The following KMT2C variants were observed in gnomAD, a reference collection of about 807,000 sequenced individuals.
The protein encoded by KMT2C is histone-lysine N-methyltransferase 2C.
KMT2C carries 88 observed loss-of-function variants against 507.9 expected under a neutral mutation model. The ratio of observed to expected loss-of-function variants is 0.17; its 90% CI spans 0.15 to 0.21. The LOEUF is 0.21. KMT2C is among the 10% of genes least tolerant of loss of function. The pLI is 1.00. For missense variants in KMT2C, 4,954 were observed against 5,957.8 expected, an observed-to-expected ratio of 0.83 and a Z score of 5.55; for synonymous variants, 2,049 against 2,080.8, an observed-to-expected ratio of 0.98 and a Z score of 0.42.
Position 152,300,415 on chromosome 7 carries a change from G to T in KMT2C, c.849+9551C>A, listed in dbSNP as rs368541054. Among the ~76,000 whole-genome samples, 38 of 152,338 alleles carry T rather than the reference G, an allele frequency of 2.5e-4. No individual in the cohort carries two copies. The East Asian group carries it at 4.6e-3, about 19-fold the overall frequency. ...CTGGAAATTTCACACATGCTAGGCA[G>T]AGAGTACACCTACATGACCAGCCTA... On this transcript the variant is annotated intron_variant, in intron 6 of 58. Transcript: ENST00000262189.
intron 1 of KMT2C, among the ~76,000 whole-genome samples, chr7:152,372,435 C>T (rs1272013258): frequency 1.3e-5 from 2 of 152,080 alleles, no homozygotes; most frequent in Non-Finnish European, 2.9e-5. Context: ...GGAATACAAG[C>T]GTGAGCCACT....
At chr7:152,375,201 C>T (rs962783103) in intron 1 of KMT2C, among the ~76,000 whole-genome samples, 22 of 152,158 alleles carry the variant, frequency 1.4e-4, no homozygotes, top group Admixed American at 4.6e-4. Flanking sequence ...TGCCACCACA[C>T]CCAGCTGATT....
At chr7:152,324,167 G>T (rs1265313864) in intron 3 of KMT2C, among the ~76,000 whole-genome samples, 1 of 151,574 alleles carries the variant, frequency 6.6e-6, no homozygotes, top group South Asian at 2.1e-4. Context: ...CAAAGGATAC[G>T]AAGGTTGAGA....
intron 9 of KMT2C, among the ~76,000 whole-genome samples, chr7:152,253,892 C>T (rs1430649834): frequency 2.6e-5 from 4 of 152,102 alleles, no homozygotes; most frequent in Admixed American, 6.6e-5. Flanking sequence ...TGCCTGTGAG[C>T]TAGTCAGCCT....
chr7:152,331,758 C>A (rs1050914887), intron 2 of KMT2C, among the ~76,000 whole-genome samples: 1 of 149,584 alleles, frequency 6.7e-6, no homozygotes, highest in African/African-American at 2.5e-5. Context: ...AAGCAATTCT[C>A]CTGCCTCAGC....
rs1253038164 is a variant in KMT2C, at chr7:152,179,814, C to T, written c.7442+20G>A. 5 of 1,606,202 alleles carry T rather than the reference C, an allele frequency of 3.1e-6. No homozygotes were observed. Among genetic ancestry groups the T allele is most frequent in the Non-Finnish European group, 4.3e-6 (5 of 1,174,584 alleles). On this transcript the variant is annotated intron_variant, in intron 37 of 58. Coordinates refer to ENST00000262189, the MANE Select transcript of KMT2C (RefSeq NM_170606.3). ...TCTTCTAATAGCAATTTAAATTCGG[C>T]AGGAAATTAAAAGCATTACCTAAAT...
intron 55 of KMT2C, among the ~76,000 whole-genome samples, chr7:152,142,174 C>T (rs2090637790): frequency 6.6e-6 from 1 of 152,066 alleles, no homozygotes; most frequent in African/African-American, 2.4e-5. Context: ...GGGTCTTGAC[C>T]AAGACTAGAT....
chr7:152,154,491 TG>T, intron 46 of KMT2C, 46 bp from the exon 47 acceptor site: 1 of 1,569,374 alleles, frequency 6.4e-7, no homozygotes, highest in South Asian at 1.1e-5. Flanking sequence ...AATCCACCAC[TG>T]GGGGCTTCCT....
chr7:152,371,288 G>C (rs1003814285), intron 1 of KMT2C, among the ~76,000 whole-genome samples: 6 of 152,188 alleles, frequency 3.9e-5, no homozygotes, highest in Admixed American at 1.3e-4. Context: ...GTAAAGTTGT[G>C]GTATACTGTT....
Position 152,364,156 on chromosome 7 carries a change from A to G in KMT2C, c.162-5481T>C, listed in dbSNP as rs562256289. On this transcript the variant is annotated intron_variant, in intron 1 of 58. Coordinates refer to ENST00000262189, the MANE Select transcript of KMT2C (RefSeq NM_170606.3). ...AATAAATAAGTCTCAACTGAACAAT[A>G]ATGATTCCCAACTTAACTACTGGGC... Among the ~76,000 whole-genome samples, 3 of 152,364 alleles carry G rather than the reference A, an allele frequency of 2.0e-5. No individual in the cohort carries two copies. The East Asian group carries it at 5.8e-4, about 29-fold the overall frequency.
intron 6 of KMT2C, among the ~76,000 whole-genome samples, chr7:152,275,857 T>A (rs541072667): frequency 5.4e-4 from 82 of 152,328 alleles, no homozygotes; most frequent in Non-Finnish European, 1.0e-3. Flanking sequence ...AAATCGCTTA[T>A]TTTGATACCA....
chr7:152,310,876 G>A (rs1009712947), intron 5 of KMT2C, among the ~76,000 whole-genome samples: 1 of 152,030 alleles, frequency 6.6e-6, no homozygotes, highest in Admixed American at 6.5e-5. Flanking sequence ...TGTAGAGACA[G>A]GGTTTCACCA....
intron 6 of KMT2C, among the ~76,000 whole-genome samples, chr7:152,296,822 C>T (rs2096501616): frequency 6.6e-6 from 1 of 151,478 alleles, no homozygotes; most frequent in Admixed American, 6.6e-5. Context: ...ATCGGATTTA[C>T]GCTCCTCCTG....
chr7:152,152,079 A>C (rs562757051), intron 49 of KMT2C, among the ~76,000 whole-genome samples: 1 of 152,232 alleles, frequency 6.6e-6, no homozygotes, highest in Non-Finnish European at 1.5e-5. Flanking sequence ...GTGCAGTGTG[A>C]AGGCAAAAAG....
Position 152,183,160 on chromosome 7 carries a change from T to C in KMT2C, c.5083-4A>G. 6.6e-7 allele frequency: 1 copy of C among 1,525,524 alleles called. No homozygotes were observed. Among genetic ancestry groups the C allele is most frequent in the South Asian group, 1.3e-5 (1 of 76,486 alleles). 94.5% of individuals were successfully genotyped at this position (1,525,524 alleles called of 1,614,324 possible). ...CTCTGTTATCTCTGGCTTTTTGCTTTGACAAAAGAAGAGAAAAAAATTTCC... is the reference window on the plus strand; with the variant it reads ...CTCTGTTATCTCTGGCTTTTTGCTTCGACAAAAGAAGAGAAAAAAATTTCC... On this transcript the variant is annotated splice_polypyrimidine_tract_variant and splice_region_variant and intron_variant, in intron 34 of 58. Transcript: ENST00000262189.
At chr7:152,427,993 C>G (rs1213579199) in intron 1 of KMT2C, among the ~76,000 whole-genome samples, 2 of 152,138 alleles carry the variant, frequency 1.3e-5, no homozygotes, top group Non-Finnish European at 2.9e-5. Flanking sequence ...ATCTCTGCCT[C>G]CAGGTAACTC....
intron 2 of KMT2C, among the ~76,000 whole-genome samples, chr7:152,354,451 T>G (rs1310304438): frequency 6.6e-6 from 1 of 152,178 alleles, no homozygotes; most frequent in African/African-American, 2.4e-5. Flanking sequence ...TCCCCTGACT[T>G]CATAAAGCTT....
At chr7:152,327,321 G>C (rs1307017371) in intron 3 of KMT2C, among the ~76,000 whole-genome samples, 1 of 152,192 alleles carries the variant, frequency 6.6e-6, no homozygotes, top group African/African-American at 2.4e-5. Context: ...AGGACTAACA[G>C]TGACAGTGTG....
chr7:152,282,129 C>CA (rs112908780), intron 6 of KMT2C, among the ~76,000 whole-genome samples: 591 of 134,994 alleles, frequency 4.4e-3, no homozygotes, highest in African/African-American at 6.5e-3. Flanking sequence ...CCATTTCTAC[C>CA]AAAAAAAAAA....
Sources: gnomAD v4.1 joint callset for allele counts (sites outside exome capture counted in the v4.1 genomes callset) on GRCh38, gnomAD v4.1.1 for gene constraint, MANE v1.5 for transcripts, NCBI Gene and HGNC (gene_info 2026-07-23, HGNC 2026-07-21) for gene names.